MSRA: variants seen among roughly 807,000 people sequenced by gnomAD.
The protein encoded by MSRA is mitochondrial peptide methionine sulfoxide reductase.
A neutral mutation model predicts 31.3 loss-of-function variants in MSRA; 54 were observed. The ratio of observed to expected loss-of-function variants is 1.73; its 90% CI spans 1.39 to 2.17. MSRA has a LOEUF of 2.17. MSRA is among the 30% of genes most tolerant of loss of function. The pLI is 0.00. For synonymous variants in MSRA, 169 were observed against 116.5 expected (o/e 1.45, Z -2.90); for missense variants, 507 against 300.9 (o/e 1.69, Z -5.07).
intron 3 of MSRA, among the ~76,000 whole-genome samples, chr8:10,245,462 C>A (rs182910915): frequency 2.2e-4 from 34 of 152,300 alleles, no homozygotes; most frequent in African/African-American, 7.9e-4. Flanking sequence ...AACATGGTGG[C>A]TTAAAACAGT....
intron 4 of MSRA, among the ~76,000 whole-genome samples, chr8:10,303,385 T>A (rs149506586): frequency 2.5e-4 from 38 of 152,290 alleles, no homozygotes; most frequent in African/African-American, 9.1e-4. Context: ...GGAATACTAC[T>A]ATGATGAGGG....
intron 5 of MSRA, among the ~76,000 whole-genome samples, chr8:10,407,415 G>A (rs1427620405): frequency 1.3e-5 from 2 of 152,180 alleles, no homozygotes; most frequent in Non-Finnish European, 2.9e-5. Context: ...TAGAGGTGGC[G>A]ATGAGGGTGG....
intron 4 of MSRA, among the ~76,000 whole-genome samples, chr8:10,311,830 G>T (rs369971481): frequency 1.4e-3 from 207 of 152,226 alleles, no homozygotes; most frequent in African/African-American, 4.6e-3. Context: ...GGTGGGAGGG[G>T]TGCTTGTGCC....
At chr8:10,323,017 G>T (rs1277362188) in intron 5 of MSRA, among the ~76,000 whole-genome samples, 1 of 146,314 alleles carries the variant, frequency 6.8e-6, no homozygotes, top group African/African-American at 2.5e-5. Flanking sequence ...TTGAACCCAG[G>T]AAGCAAAGGT....
chr8:10,283,836 T>TATATATATATATATATACACACACAC (rs1261287031), intron 3 of MSRA, among the ~76,000 whole-genome samples: 2 of 53,162 alleles, frequency 3.8e-5, no homozygotes, highest in Admixed American at 2.5e-4. Context: ...TATATATATA[T>TATATATATATATATATACACACACAC]ACACACACAC....
intron 1 of MSRA, among the ~76,000 whole-genome samples, chr8:10,069,659 T>C (rs1406461404): frequency 6.6e-6 from 1 of 152,164 alleles, no homozygotes; most frequent in African/African-American, 2.4e-5. Flanking sequence ...GAAGCCTCCT[T>C]TATAAGGGCT....
rs6987204 is a variant in MSRA, at chr8:10,178,948, G to C, written c.143-28885G>C. On this transcript the variant is annotated intron_variant, in intron 1 of 5. Transcript: ENST00000317173. ...CATTTCTTTCTTGGTAATTTTGTTGGTTTTCTGTTTTTACTAGAGGAATAT... is the reference window on the plus strand; with the variant it reads ...CATTTCTTTCTTGGTAATTTTGTTGCTTTTCTGTTTTTACTAGAGGAATAT... Among the ~76,000 whole-genome samples the C allele has an allele frequency of 7.3e-3, 1,106 of 152,174 alleles. 23 individuals carry two copies. The highest frequency in any genetic ancestry group is 0.025 in the African/African-American group (1,053 of 41,512).
At chr8:10,421,804 A>G (rs1035815269) in intron 5 of MSRA, among the ~76,000 whole-genome samples, 1 of 152,138 alleles carries the variant, frequency 6.6e-6, no homozygotes, top group Admixed American at 6.5e-5. Context: ...TGGGGGCTCC[A>G]TCACAACTTA....
chr8:10,118,581 C>T (rs1800861901), intron 1 of MSRA, among the ~76,000 whole-genome samples: 1 of 152,078 alleles, frequency 6.6e-6, no homozygotes, highest in South Asian at 2.1e-4. Flanking sequence ...CCCAAGCCAT[C>T]TGGGTGTCCT....
chr8:10,244,426 T>A (rs1254829575), intron 2 of MSRA, among the ~76,000 whole-genome samples: 1 of 152,202 alleles, frequency 6.6e-6, no homozygotes, highest in African/African-American at 2.4e-5. Flanking sequence ...CACACAATGT[T>A]TGCTAGTTGA....
intron 2 of MSRA, among the ~76,000 whole-genome samples, 153 bp from the exon 3 acceptor site, chr8:10,244,951 C>A (rs1190443842): frequency 1.3e-5 from 2 of 151,876 alleles, no homozygotes; most frequent in Non-Finnish European, 2.9e-5. Context: ...AAGAACTCTC[C>A]TTCTTTAAAA....
intron 3 of MSRA, among the ~76,000 whole-genome samples, chr8:10,291,984 C>G: frequency 6.6e-6 from 1 of 152,220 alleles, no homozygotes; most frequent in South Asian, 2.1e-4. Flanking sequence ...TGCTCAGCAC[C>G]GTGCATGGAG....
At chr8:10,367,907 G>A (rs990325450) in intron 5 of MSRA, among the ~76,000 whole-genome samples, 18 of 152,336 alleles carry the variant, frequency 1.2e-4, no homozygotes, top group Admixed American at 1.0e-3. Context: ...GACTCTGCTC[G>A]TTTGTCCGTG....
chr8:10,339,878 G>C (rs764556519), intron 5 of MSRA, among the ~76,000 whole-genome samples: 4 of 152,024 alleles, frequency 2.6e-5, no homozygotes, highest in African/African-American at 9.7e-5. Flanking sequence ...GATGACTAAC[G>C]AGAGGGAACA....
chr8:10,156,528 C>T (rs571250851), intron 1 of MSRA, among the ~76,000 whole-genome samples: 3 of 152,008 alleles, frequency 2.0e-5, no homozygotes, highest in Non-Finnish European at 4.4e-5. Context: ...AATGCTATAT[C>T]GTTTGTTTCT....
At chr8:10,195,990 T>A (rs1585141848) in intron 1 of MSRA, among the ~76,000 whole-genome samples, 1 of 151,842 alleles carries the variant, frequency 6.6e-6, no homozygotes, top group Non-Finnish European at 1.5e-5. Context: ...GAAGGGGAGG[T>A]GTGGGCCCAT....
intron 1 of MSRA, among the ~76,000 whole-genome samples, chr8:10,105,136 C>T (rs1005829497): frequency 1.3e-5 from 2 of 152,096 alleles, no homozygotes; most frequent in African/African-American, 4.8e-5. Flanking sequence ...TTTATTCTTA[C>T]TAATTTGTAT....
At chr8:10,289,783 C>T (rs1163578513) in intron 3 of MSRA, among the ~76,000 whole-genome samples, 1 of 152,132 alleles carries the variant, frequency 6.6e-6, no homozygotes, top group Non-Finnish European at 1.5e-5. Context: ...GACAACTTAC[C>T]CAGAGAAACC....
At chr8:10,084,571 T>C (rs1307218139) in intron 1 of MSRA, among the ~76,000 whole-genome samples, 1 of 152,248 alleles carries the variant, frequency 6.6e-6, no homozygotes, top group Non-Finnish European at 1.5e-5. Context: ...TTTATTACTC[T>C]ATGATCTTGG....
Sources: allele counts gnomAD v4.1 joint callset (sites outside exome capture counted in the v4.1 genomes callset), GRCh38; gene constraint gnomAD v4.1.1; transcripts MANE v1.5; gene names NCBI Gene and HGNC (gene_info 2026-07-23, HGNC 2026-07-21).